Variants in DENND1A observed in about 807,000 individuals in gnomAD.
The protein encoded by DENND1A is DENN domain-containing protein 1A.
DENND1A carries 51 observed loss-of-function variants against 113.7 expected under a neutral mutation model. That is an observed-to-expected ratio of 0.45 (90% CI 0.36 to 0.57). DENND1A has a LOEUF of 0.57. Among genes scored for constraint, DENND1A ranks in the 20% least tolerant of loss-of-function variants. The pLI is 0.00. For missense variants in DENND1A, 1,258 were observed against 1,395.9 expected, an observed-to-expected ratio of 0.90 and a Z score of 1.57; for synonymous variants, 565 against 570.8, an observed-to-expected ratio of 0.99 and a Z score of 0.14.
chr9:123,591,263 C>T (rs775705170), intron 11 of DENND1A, among the ~76,000 whole-genome samples: 1 of 152,200 alleles, frequency 6.6e-6, no homozygotes, highest in Non-Finnish European at 1.5e-5. Context: ...GCTGCCCACA[C>T]AGATTGGTGC....
At chr9:123,798,772 A>G (rs1455980408) in intron 2 of DENND1A, among the ~76,000 whole-genome samples, 2 of 150,790 alleles carry the variant, frequency 1.3e-5, no homozygotes, top group Admixed American at 1.3e-4. Flanking sequence ...GTTCACTTAC[A>G]TTTACCTTTT....
chr9:123,456,559 C>T (rs1281634459), intron 15 of DENND1A, among the ~76,000 whole-genome samples: 1 of 152,090 alleles, frequency 6.6e-6, no homozygotes, highest in Non-Finnish European at 1.5e-5. Context: ...ACCTGTAATC[C>T]CAGCACTTTG....
At chr9:123,705,352 A>C (rs1226005574) in intron 5 of DENND1A, among the ~76,000 whole-genome samples, 1 of 152,190 alleles carries the variant, frequency 6.6e-6, no homozygotes, top group South Asian at 2.1e-4. Flanking sequence ...ACAGCTGGAC[A>C]AGAAAAGGAA....
chr9:123,788,173 T>C (rs1356878629), intron 3 of DENND1A, among the ~76,000 whole-genome samples: 11 of 152,182 alleles, frequency 7.2e-5, no homozygotes. Flanking sequence ...TAATTCTACG[T>C]GTTTTCGTAT....
Position 123,411,814 on chromosome 9 carries a change from G to A in DENND1A, c.1504C>T (p.Pro502Ser). The change falls in exon 20 of 24, where the codon CCC (proline) becomes TCC (serine). Residue 502 changes from proline (P) to serine (S), a missense_variant. Pro to Ser is a moderately conservative substitution (Grantham distance 74). Coordinates refer to ENST00000394215, the MANE Select transcript of DENND1A (RefSeq NM_001352964.2). ...VHFGQLQRLR[P>S]TRPPPKIQRS... ...TGTATCTTGGGAGGCGGTCGGGTGG[G>A]ACGCAGTCTCTGCAGCTGCATTAAA... is the stretch of plus-strand genomic sequence containing the variant. The A allele has an allele frequency of 1.0e-6, 1 of 985,930 alleles. No homozygotes were observed. The highest frequency in any genetic ancestry group is 1.2e-6 in the Non-Finnish European group (1 of 830,048). 61.1% of individuals were successfully genotyped at this position (985,930 alleles called of 1,614,324 possible). A position where few individuals can be genotyped will look rare whatever the true frequency, so the allele number is the denominator to read the frequency against.
intron 13 of DENND1A, among the ~76,000 whole-genome samples, chr9:123,556,738 C>T (rs949002500): frequency 5.9e-5 from 9 of 152,228 alleles, no homozygotes; most frequent in Admixed American, 2.0e-4. Context: ...AGGTTTCCCT[C>T]CAACATTCTC....
chr9:123,877,730 G>A (rs1847714069), intron 2 of DENND1A, among the ~76,000 whole-genome samples: 1 of 149,384 alleles, frequency 6.7e-6, no homozygotes, highest in Admixed American at 6.7e-5. Flanking sequence ...GGCTGAGGCA[G>A]GAGAACTACT....
chr9:123,748,809 G>A (rs746936094), intron 5 of DENND1A, among the ~76,000 whole-genome samples: 5 of 152,136 alleles, frequency 3.3e-5, no homozygotes, highest in African/African-American at 9.7e-5. Flanking sequence ...AAGCACCGAG[G>A]AGCCTCTCCT....
chr9:123,728,817 A>T (rs770687941), intron 5 of DENND1A, among the ~76,000 whole-genome samples: 6 of 152,200 alleles, frequency 3.9e-5, no homozygotes, highest in Non-Finnish European at 5.9e-5. Flanking sequence ...CAACAAAAAA[A>T]GGAAATTTCA....
At position 123,881,259 on chromosome 9, in the gene DENND1A, G is replaced by T. The variant is rs549173448; in HGVS notation, c.18-2238C>A. ...TTTTCCCTGCAAGAGGGTACAAAAT[G>T]ATCTTGGCATCTTTGGCATATGGGA... On this transcript the variant is annotated intron_variant, in intron 1 of 23. Coordinates refer to ENST00000394215, the MANE Select transcript of DENND1A (RefSeq NM_001352964.2). 3.3e-5 allele frequency among the ~76,000 whole-genome samples: 5 copies of T among 152,274 alleles called. No individual in the cohort carries two copies. In the East Asian group the frequency reaches 9.6e-4, roughly 29 times the overall value.
At chr9:123,386,554 G>A (rs1397049472) in intron 22 of DENND1A, among the ~76,000 whole-genome samples, 1 of 151,884 alleles carries the variant, frequency 6.6e-6, no homozygotes, top group African/African-American at 2.4e-5. Context: ...GCTAATTTTT[G>A]TAGTTTTTAA....
intron 6 of DENND1A, 101 bp from the exon 7 acceptor site, chr9:123,671,472 A>G: frequency 1.8e-6 from 2 of 1,086,418 alleles, no homozygotes; most frequent in South Asian, 2.8e-5. Context: ...GGCTGGGGAG[A>G]TGCTGGCCCC....
At chr9:123,832,696 C>T (rs1335787854) in intron 2 of DENND1A, among the ~76,000 whole-genome samples, 1 of 152,166 alleles carries the variant, frequency 6.6e-6, no homozygotes, top group Non-Finnish European at 1.5e-5. Flanking sequence ...GAGCAAACTA[C>T]AGGTGCACAC....
chr9:123,607,438 G>A (rs1362610537), intron 11 of DENND1A, among the ~76,000 whole-genome samples: 1 of 144,612 alleles, frequency 6.9e-6, no homozygotes, highest in East Asian at 2.2e-4. Flanking sequence ...CAGGAACAGT[G>A]GAAGGGGAGT....
chr9:123,537,554 A>C (rs1163578132), intron 13 of DENND1A, among the ~76,000 whole-genome samples: 4 of 152,024 alleles, frequency 2.6e-5, no homozygotes, highest in Non-Finnish European at 5.9e-5. Flanking sequence ...TTAAAAAAAA[A>C]GGATGTATGA....
intron 2 of DENND1A, among the ~76,000 whole-genome samples, chr9:123,808,024 G>A (rs1039296719): frequency 3.3e-5 from 5 of 152,114 alleles, no homozygotes; most frequent in Non-Finnish European, 5.9e-5. Context: ...TCAGGAGTTC[G>A]AGACCAGCCT....
At chr9:123,612,289 G>A (rs2137826962) in intron 10 of DENND1A, among the ~76,000 whole-genome samples, 1 of 152,298 alleles carries the variant, frequency 6.6e-6, no homozygotes, top group Admixed American at 6.5e-5. Context: ...ATCCAATTGG[G>A]TAATTCTAGG....
At chr9:123,641,223 G>A (rs2062009143) in intron 9 of DENND1A, among the ~76,000 whole-genome samples, 1 of 151,998 alleles carries the variant, frequency 6.6e-6, no homozygotes, top group Non-Finnish European at 1.5e-5. Flanking sequence ...TGCCAAAGTG[G>A]GTGCAGGGCT....
chr9:123,907,656 T>C (rs1853125288), intron 1 of DENND1A, among the ~76,000 whole-genome samples: 1 of 150,344 alleles, frequency 6.7e-6, no homozygotes, highest in Non-Finnish European at 1.5e-5. Flanking sequence ...GAAGGACCTC[T>C]TCAAGGAGAA....
Sources: gnomAD v4.1 joint callset for allele counts (sites outside exome capture counted in the v4.1 genomes callset) on GRCh38, gnomAD v4.1.1 for gene constraint, MANE v1.5 for transcripts, NCBI Gene and HGNC (gene_info 2026-07-23, HGNC 2026-07-21) for gene names.